Variants in ROBO2 observed in about 807,000 individuals in gnomAD.
ROBO2 encodes the protein roundabout guidance receptor 2, also known as roundabout homolog 2.
A neutral mutation model predicts 160.8 loss-of-function variants in ROBO2; 53 were observed. That is an observed-to-expected ratio of 0.33 (90% confidence interval 0.26 to 0.41). The LOEUF is 0.41. Among genes scored for constraint, ROBO2 ranks in the 10% least tolerant of loss-of-function variants. The probability of loss-of-function intolerance (pLI) is 1.00; values close to 1 mark genes in which losing one functional copy is unlikely to be tolerated. For missense variants in ROBO2, 1,577 were observed against 1,722.4 expected (o/e 0.92, Z 1.49); for synonymous variants, 664 against 611.7 (o/e 1.09, Z -1.26).
intron 2 of ROBO2, among the ~76,000 whole-genome samples, chr3:77,027,560 ATTTAACTC>A (rs1245800951): frequency 6.6e-6 from 1 of 152,246 alleles, no homozygotes; most frequent in Non-Finnish European, 1.5e-5. Flanking sequence ...AGGTTGCTTT[ATTTAACTC>A]TTTTGGTATT....
At chr3:76,975,655 A>G (rs2059782216) in intron 2 of ROBO2, among the ~76,000 whole-genome samples, 1 of 152,140 alleles carries the variant, frequency 6.6e-6, no homozygotes, top group Non-Finnish European at 1.5e-5. Flanking sequence ...GAAGGAAAGT[A>G]TAATTCTTCC....
In ROBO2 at chr3:76,825,603, C is replaced by CAAAAAAAAAA. The variant is rs201063990; in HGVS notation, c.110-272391_110-272382dup. On this transcript the variant is annotated intron_variant, in intron 2 of 26. Coordinates refer to the ROBO2 transcript ENST00000487694. ...GAGTCTACCCTTTCATCATCTTAGC[C>CAAAAAAAAAA]AAAAAAAAAAAAAAAAAAAAAAAAA... Among the ~76,000 whole-genome samples, 28 of 72,488 alleles carry CAAAAAAAAAA rather than the reference C, an allele frequency of 3.9e-4. 1 individual carries two copies. The highest frequency in any genetic ancestry group is 9.9e-4 in the East Asian group (2 of 2,020). 47.6% of individuals were successfully genotyped at this position (72,488 alleles called of 152,430 possible). A position where few individuals can be genotyped will look rare whatever the true frequency, so the allele number is the denominator to read the frequency against.
intron 2 of ROBO2, among the ~76,000 whole-genome samples, chr3:76,072,270 T>C (rs969879283): frequency 6.6e-6 from 1 of 152,132 alleles, no homozygotes; most frequent in African/African-American, 2.4e-5. Context: ...TTTTTTTCCT[T>C]GAGGCATATC....
At chr3:76,660,928 GA>G (rs1392319560) in intron 2 of ROBO2, among the ~76,000 whole-genome samples, 7 of 152,028 alleles carry the variant, frequency 4.6e-5, no homozygotes, top group Non-Finnish European at 8.8e-5. Flanking sequence ...TCTATAGGTA[GA>G]AAAATGAGGA....
At chr3:76,103,233 T>C (rs2108184283) in intron 2 of ROBO2, among the ~76,000 whole-genome samples, 1 of 152,292 alleles carries the variant, frequency 6.6e-6, no homozygotes, top group East Asian at 1.9e-4. Flanking sequence ...GGAAGCACAG[T>C]AGCAGAGTCC....
Position 77,491,701 on chromosome 3 carries a change from T to C in ROBO2, c.668-1543T>C, listed in dbSNP as rs77023744. Among the ~76,000 whole-genome samples the C allele has an allele frequency of 5.8e-3, 879 of 152,308 alleles. 8 individuals are homozygous for C. Among genetic ancestry groups the C allele is most frequent in the African/African-American group, 0.02 (842 of 41,568 alleles). On this transcript the variant is annotated intron_variant, in intron 4 of 25. Transcript: ENST00000461745. ...CTTTAGATGCAACCGTGTTTTTCTTTAGTTTTTATGGATCGTTTGTCAATT... is the reference window on the plus strand; with the variant it reads ...CTTTAGATGCAACCGTGTTTTTCTTCAGTTTTTATGGATCGTTTGTCAATT...
chr3:76,176,143 C>CT, intron 2 of ROBO2, among the ~76,000 whole-genome samples: 1 of 152,094 alleles, frequency 6.6e-6, no homozygotes, highest in Middle Eastern at 3.4e-3. Context: ...TAATTTTTCT[C>CT]TTTTTTCCCA....
intron 2 of ROBO2, among the ~76,000 whole-genome samples, chr3:76,881,572 A>G (rs1163318003): frequency 6.6e-6 from 1 of 152,250 alleles, no homozygotes; most frequent in African/African-American, 2.4e-5. Flanking sequence ...TTAGAATAAT[A>G]TCAACATAAG....
chr3:75,952,052 C>G (rs1948558728), intron 2 of ROBO2, among the ~76,000 whole-genome samples: 1 of 151,964 alleles, frequency 6.6e-6, no homozygotes, highest in Admixed American at 6.6e-5. Context: ...GCAAATCCAA[C>G]AAAGACTGGA....
chr3:75,943,581 T>C (rs534559448), intron 2 of ROBO2, among the ~76,000 whole-genome samples: 26 of 151,874 alleles, frequency 1.7e-4, no homozygotes, highest in Non-Finnish European at 2.6e-4. Context: ...TTTAGTCTTA[T>C]CTCTCTGCCT....
chr3:76,565,227 A>G (rs1365108017), intron 2 of ROBO2, among the ~76,000 whole-genome samples: 1 of 152,202 alleles, frequency 6.6e-6, no homozygotes, highest in African/African-American at 2.4e-5. Flanking sequence ...AAAAATCCAT[A>G]GTGATTTCTA....
chr3:76,567,462 A>G (rs960383777), intron 2 of ROBO2, among the ~76,000 whole-genome samples: 1 of 151,278 alleles, frequency 6.6e-6, no homozygotes, highest in Non-Finnish European at 1.5e-5. Flanking sequence ...ATAGCTCAAC[A>G]TATTTTTTTC....
chr3:76,969,736 G>A (rs1258770855), intron 2 of ROBO2, among the ~76,000 whole-genome samples: 1 of 152,030 alleles, frequency 6.6e-6, no homozygotes, highest in Non-Finnish European at 1.5e-5. Flanking sequence ...AATTATTGGT[G>A]CTTTGGAGGT....
intron 2 of ROBO2, among the ~76,000 whole-genome samples, chr3:75,948,480 A>G (rs1389634986): frequency 1.3e-5 from 2 of 151,990 alleles, no homozygotes; most frequent in African/African-American, 4.8e-5. Flanking sequence ...CCACATGCCA[A>G]TTCACCTGGT....
At chr3:76,749,082 C>T (rs763260636) in intron 2 of ROBO2, among the ~76,000 whole-genome samples, 88 of 151,580 alleles carry the variant, frequency 5.8e-4, no homozygotes, top group South Asian at 1.0e-3. Flanking sequence ...AGACAAGATA[C>T]AAAATGTATA....
intron 2 of ROBO2, among the ~76,000 whole-genome samples, chr3:76,754,380 A>G (rs146585029): frequency 2.0e-5 from 3 of 152,068 alleles, no homozygotes; most frequent in Admixed American, 6.6e-5. Flanking sequence ...TGCACCGTAT[A>G]CATTACGGCT....
intron 2 of ROBO2, among the ~76,000 whole-genome samples, chr3:77,121,964 TA>T (rs1298061262): frequency 6.6e-6 from 1 of 152,246 alleles, no homozygotes; most frequent in Admixed American, 6.5e-5. Flanking sequence ...TAGATTTTTT[TA>T]AAAAAATTGC....
chr3:76,943,181 T>C (rs528813390), intron 2 of ROBO2, among the ~76,000 whole-genome samples: 3 of 152,292 alleles, frequency 2.0e-5, no homozygotes, highest in African/African-American at 4.8e-5. Context: ...TTTGAGTTGG[T>C]CCTTTCTAGG....
intron 5 of ROBO2, among the ~76,000 whole-genome samples, chr3:77,518,123 G>A (rs1196643192): frequency 1.3e-5 from 2 of 151,428 alleles, no homozygotes; most frequent in East Asian, 3.9e-4. Flanking sequence ...GTAACTTTGG[G>A]AAGAAAAGTT....
Sources: gnomAD v4.1 joint callset for allele counts (sites outside exome capture counted in the v4.1 genomes callset) on GRCh38, gnomAD v4.1.1 for gene constraint, MANE v1.5 for transcripts, NCBI Gene and HGNC (gene_info 2026-07-23, HGNC 2026-07-21) for gene names.